The following PTPN20 variants were observed in gnomAD, a reference collection of about 807,000 sequenced individuals.
PTPN20 encodes tyrosine-protein phosphatase non-receptor type 20.
In PTPN20, 9 loss-of-function variants were observed where a neutral mutation model predicts 35.0. That is an observed-to-expected ratio of 0.26 (90% confidence interval 0.15 to 0.45). The LOEUF (loss-of-function observed/expected upper bound fraction) is 0.45. Among genes scored for constraint, PTPN20 ranks in the 20% least tolerant of loss-of-function variants. The pLI, the probability that PTPN20 is intolerant of heterozygous loss-of-function variation, is 1.00. For missense variants in PTPN20, 111 were observed against 312.5 expected, an observed-to-expected ratio of 0.36 and a Z score of 4.86; for synonymous variants, 32 against 100.2, an observed-to-expected ratio of 0.32 and a Z score of 4.06.
At chr10:46,963,487 GTTTC>G (rs1479591187) in intron 5 of PTPN20, among the ~76,000 whole-genome samples, 1 of 76,718 alleles carries the variant, frequency 1.3e-5, no homozygotes, top group Admixed American at 1.2e-4. Context: ...CAAGAACATA[GTTTC>G]TTTATGTTTT....
intron 9 of PTPN20, among the ~76,000 whole-genome samples, chr10:46,995,403 C>T (rs2058916389): frequency 1.6e-5 from 2 of 126,906 alleles, no homozygotes; most frequent in South Asian, 2.8e-4. Flanking sequence ...TGTCACCTTA[C>T]GACCAAGTTT....
intron 9 of PTPN20, among the ~76,000 whole-genome samples, chr10:46,998,004 G>A (rs1175153965): frequency 6.6e-6 from 1 of 152,186 alleles, no homozygotes; most frequent in East Asian, 1.9e-4. Context: ...ATATGTATGA[G>A]ACATTGGGAA....
chr10:46,940,617 G>A lies in PTPN20; in HGVS notation c.35-6G>A. 5 of 1,609,984 alleles carry A rather than the reference G, an allele frequency of 3.1e-6. No individual in the cohort carries two copies. In the South Asian group the frequency reaches 3.3e-5, roughly 11 times the overall value. On this transcript the variant is annotated splice_polypyrimidine_tract_variant and splice_region_variant and intron_variant, in intron 2 of 10. Transcript: ENST00000374339. ...TTGATCAGTTTTTCCCCCCGCCTTT[G>A]TTCAGTAAACGATTATGAGGGAAAT...
chr10:46,935,811 A>G (rs1260611371), intron 2 of PTPN20, among the ~76,000 whole-genome samples: 5 of 152,350 alleles, frequency 3.3e-5, no homozygotes, highest in Admixed American at 2.6e-4. Context: ...ATATCCCTTC[A>G]TATAGCCAGT....
intron 3 of PTPN20, among the ~76,000 whole-genome samples, chr10:46,943,079 ATTACAT>A (rs1357655179): frequency 4.7e-5 from 7 of 149,764 alleles, no homozygotes; most frequent in Non-Finnish European, 3.0e-5. Flanking sequence ...GCTCTATGAC[ATTACAT>A]TTACAATTGT....
chr10:46,987,995 G>T (rs1329704669), intron 9 of PTPN20, among the ~76,000 whole-genome samples: 3 of 152,070 alleles, frequency 2.0e-5, no homozygotes, highest in Non-Finnish European at 4.4e-5. Context: ...ACATACTTTA[G>T]ATTTTGGTGA....
At chr10:47,002,926 A>T (rs2060131466), downstream of PTPN20, among the ~76,000 whole-genome samples, 1 of 151,968 alleles carries the variant, frequency 6.6e-6, no homozygotes, top group Admixed American at 6.6e-5. Flanking sequence ...TTATTGAAAA[A>T]CCTCAAAGGA....
Position 47,000,805 on chromosome 10 carries a change from A to G in PTPN20, c.*64A>G, listed in dbSNP as rs2059956451. 1 of 1,579,928 alleles carries G rather than the reference A, an allele frequency of 6.3e-7. No individual in the cohort carries two copies. The highest frequency in any genetic ancestry group is 8.7e-7 in the Non-Finnish European group (1 of 1,149,084). ...GGGTTTGCACCTCCTCATAAAGAAC[A>G]TGTTTGCACTGTGCTGAAGGGCTTT... is the stretch of plus-strand genomic sequence containing the variant. On this transcript the variant is annotated 3_prime_UTR_variant, in exon 11 of 11. Transcript: ENST00000374339.
rs1488510560 is a variant in PTPN20, at chr10:47,001,539, C to T, written c.*798C>T. The stretch of plus-strand genomic sequence containing the variant: ...AAAGCAAGTATTACCTTTAACTTGC[C>T]TCTTACTCTTTGCCCTTTAGCTAAC... On this transcript the variant is annotated 3_prime_UTR_variant, in exon 11 of 11. Transcript: ENST00000374339. 6.6e-6 allele frequency: 1 copy of T among 152,040 alleles called. No individual in the cohort carries two copies. The highest frequency in any genetic ancestry group is 1.5e-5 in the Non-Finnish European group (1 of 67,998). The allele number at this position is 152,040 out of a possible 1,614,324, so 9.4% of individuals were successfully genotyped here. A position where few individuals can be genotyped will look rare whatever the true frequency, so the allele number is the denominator to read the frequency against.
In PTPN20 at chr10:46,952,787, C is replaced by T. The variant is rs1256278849; in HGVS notation, c.340+6112C>T. 9.5e-4 allele frequency among the ~76,000 whole-genome samples: 145 copies of T among 152,028 alleles called. 1 individual carries two copies. The highest frequency in any genetic ancestry group is 3.4e-3 in the African/African-American group (142 of 41,350). ...CCTAGAGGATCACCTGCATTGCAGA[C>T]GTATTCCTCGTTACTCCATTGGAAA... On this transcript the variant is annotated intron_variant, in intron 5 of 10. Transcript: ENST00000374339.
At chr10:46,957,545 T>G (rs1409385374) in intron 5 of PTPN20, among the ~76,000 whole-genome samples, 2 of 152,096 alleles carry the variant, frequency 1.3e-5, no homozygotes, top group African/African-American at 4.8e-5. Flanking sequence ...ACGACCACCC[T>G]AGGCAACATG....
intron 9 of PTPN20, among the ~76,000 whole-genome samples, chr10:46,996,840 C>G (rs2059186467): frequency 6.6e-6 from 1 of 152,158 alleles, no homozygotes; most frequent in African/African-American, 2.4e-5. Flanking sequence ...ATTAGTGTGT[C>G]TATCCTTCTG....
At chr10:46,941,716 T>C (rs2043581323) in intron 3 of PTPN20, among the ~76,000 whole-genome samples, 1 of 151,266 alleles carries the variant, frequency 6.6e-6, no homozygotes, top group African/African-American at 2.5e-5. Flanking sequence ...TTTGTTTGTT[T>C]GTTTTTTTGC....
intron 9 of PTPN20, among the ~76,000 whole-genome samples, chr10:46,997,181 G>A (rs1185857256): frequency 1.3e-5 from 2 of 152,024 alleles, no homozygotes; most frequent in African/African-American, 4.8e-5. Context: ...TATAGATCTT[G>A]TATATGTTTT....
At chr10:46,939,010 T>C (rs1187543721) in intron 2 of PTPN20, among the ~76,000 whole-genome samples, 4 of 152,140 alleles carry the variant, frequency 2.6e-5, no homozygotes, top group African/African-American at 9.7e-5. Context: ...CTTCTATGAG[T>C]TGCTTGTTTA....
At chr10:46,946,796 G>GT in intron 5 of PTPN20, 121 bp downstream of exon 5, 2 of 848,058 alleles carry the variant, frequency 2.4e-6, no homozygotes, top group South Asian at 4.7e-5. Flanking sequence ...GGAAAATATG[G>GT]TTTTCTAGGA....
intron 7 of PTPN20, among the ~76,000 whole-genome samples, chr10:46,977,164 C>A (rs1209251239): frequency 9.2e-5 from 14 of 152,262 alleles, no homozygotes; most frequent in Non-Finnish European, 2.1e-4. Flanking sequence ...AAGAAAAAAA[C>A]GCTAAAATTT....
chr10:46,952,603 G>C (rs2047035145), intron 5 of PTPN20, among the ~76,000 whole-genome samples: 1 of 138,074 alleles, frequency 7.2e-6, no homozygotes, highest in African/African-American at 2.9e-5. Flanking sequence ...TCTTACACCT[G>C]TCTGGTATTC....
At chr10:46,935,539 C>G (rs1427542351) in intron 2 of PTPN20, among the ~76,000 whole-genome samples, 2 of 139,066 alleles carry the variant, frequency 1.4e-5, no homozygotes, top group Non-Finnish European at 3.0e-5. Flanking sequence ...ATCATGTTGG[C>G]CAGGCTGGTC....
Sources: gnomAD v4.1 joint callset for allele counts (sites outside exome capture counted in the v4.1 genomes callset) on GRCh38, gnomAD v4.1.1 for gene constraint, MANE v1.5 for transcripts, NCBI Gene and HGNC (gene_info 2026-07-23, HGNC 2026-07-21) for gene names.